Variants in SYNCRIP observed in about 807,000 individuals in gnomAD.
SYNCRIP encodes the protein synaptotagmin binding cytoplasmic RNA interacting protein.
In SYNCRIP, 9 loss-of-function variants were observed where a neutral mutation model predicts 68.9. The observed-to-expected ratio is 0.13, with a 90% confidence interval of 0.08 to 0.23. The LOEUF (loss-of-function observed/expected upper bound fraction) is 0.23. Among genes scored for constraint, SYNCRIP ranks in the 10% least tolerant of loss-of-function variants. The pLI is 1.00. For synonymous variants in SYNCRIP, 258 were observed against 254.0 expected (o/e 1.02, Z -0.15); for missense variants, 414 against 770.6 (o/e 0.54, Z 5.48).
intron 4 of SYNCRIP, among the ~76,000 whole-genome samples, chr6:85,639,981 T>C (rs1387553353): frequency 6.6e-6 from 1 of 152,214 alleles, no homozygotes; most frequent in Admixed American, 6.5e-5. Context: ...GGTGTGTTTC[T>C]TTATACTAGG....
chr6:85,629,981 C>CA (rs71551492), intron 6 of SYNCRIP, among the ~76,000 whole-genome samples: 14,645 of 120,164 alleles, frequency 0.12, 1,116 homozygotes, highest in East Asian at 0.25. Flanking sequence ...GGATTTGTCT[C>CA]AAAAAAAAAA....
At chr6:85,622,721 T>A in intron 7 of SYNCRIP, 34 bp from the exon 8 acceptor site, 1 of 1,538,804 alleles carries the variant, frequency 6.5e-7, no homozygotes, top group Non-Finnish European at 9.0e-7. Flanking sequence ...GAAAATTAGA[T>A]GAAATAACTA....
downstream of SYNCRIP, chr6:85,612,835 T>TTG (rs1354182799): frequency 6.5e-7 from 1 of 1,544,616 alleles, no homozygotes; most frequent in Admixed American, 2.0e-5. Flanking sequence ...TCCTTACCAT[T>TTG]ACTCCACTGC....
chr6:85,625,208 C>T (rs1240683799), intron 6 of SYNCRIP, among the ~76,000 whole-genome samples: 1 of 151,982 alleles, frequency 6.6e-6, no homozygotes, highest in African/African-American at 2.4e-5. Context: ...GCTTTCTACC[C>T]CACTATTCTG....
intron 2 of SYNCRIP, among the ~76,000 whole-genome samples, chr6:85,641,066 T>C (rs1015034979): frequency 2.6e-5 from 4 of 152,168 alleles, no homozygotes; most frequent in Non-Finnish European, 5.9e-5. Context: ...CATATACTTA[T>C]CCATCAGGCC....
At chr6:85,613,072 ACTT>A, downstream of SYNCRIP, 1 of 916,182 alleles carries the variant, frequency 1.1e-6, no homozygotes, top group Non-Finnish European at 1.5e-6. Context: ...ATAACTATGA[ACTT>A]CTTTTTGCTT....
rs533567565 is a variant in SYNCRIP at position 85,625,813 on chromosome 6, T to C, written c.667-1701A>G. On this transcript the variant is annotated intron_variant, in intron 6 of 10. Coordinates refer to ENST00000369622, the MANE Select transcript of SYNCRIP (RefSeq NM_006372.5). ...ACCCAATACTACAATACATAAATCCTAAAAGGGTCAACAAAATACTCCTCC... is the reference window on the plus strand; with the variant it reads ...ACCCAATACTACAATACATAAATCCCAAAAGGGTCAACAAAATACTCCTCC... Among the ~76,000 whole-genome samples the C allele has an allele frequency of 2.6e-5, 4 of 152,284 alleles. No individual in the cohort carries two copies. In the South Asian group the frequency reaches 8.3e-4, roughly 32 times the overall value.
At chr6:85,623,532 C>G (rs6906121) in intron 7 of SYNCRIP, among the ~76,000 whole-genome samples, 10,278 of 116,536 alleles carry the variant, frequency 0.088, 637 homozygotes, top group East Asian at 0.26. Flanking sequence ...CCAGCACACT[C>G]CAGCCTGGGC....
chr6:85,632,517 TC>T (rs1369033246), intron 6 of SYNCRIP, among the ~76,000 whole-genome samples: 3 of 152,114 alleles, frequency 2.0e-5, no homozygotes, highest in Non-Finnish European at 4.4e-5. Flanking sequence ...GCAAAAAACA[TC>T]CAAAAAAACT....
chr6:85,618,829 T>C lies in SYNCRIP; in HGVS notation c.1269A>G (p.Ala423=). The C allele has an allele frequency of 6.2e-7, 1 of 1,605,396 alleles. No homozygotes were observed. The highest frequency in any genetic ancestry group is 8.5e-7 in the Non-Finnish European group (1 of 1,176,022). Residue 423 remains alanine (A), a synonymous_variant, in exon 10 of 11, where the codon GCA becomes GCG. Transcript: ENST00000369622. ...CAAATTTCACTCACATTTGATTTTT[T>C]GCTGCTTGCCTCTGAGCTTTTCTTT... ...RKERKAQRQA[A]KNQMYDDYYY...
At chr6:85,638,727 G>C (rs919481064) in intron 4 of SYNCRIP, among the ~76,000 whole-genome samples, 2 of 152,120 alleles carry the variant, frequency 1.3e-5, no homozygotes, top group Admixed American at 6.6e-5. Flanking sequence ...AACTAAATGA[G>C]TAATAGCTCA....
At chr6:85,642,163 C>G (rs940110164) in intron 1 of SYNCRIP, among the ~76,000 whole-genome samples, 2 of 152,180 alleles carry the variant, frequency 1.3e-5, no homozygotes, top group African/African-American at 4.8e-5. Flanking sequence ...CACAATCTCT[C>G]CCCTGAACAC....
downstream of SYNCRIP, chr6:85,611,459 T>C (rs1215622368): frequency 2.0e-5 from 3 of 152,542 alleles, no homozygotes; most frequent in Non-Finnish European, 4.4e-5. Flanking sequence ...TAATTAAGTA[T>C]AAGCTCTGAT....
At chr6:85,630,606 G>C (rs1807629070) in intron 6 of SYNCRIP, among the ~76,000 whole-genome samples, 1 of 152,086 alleles carries the variant, frequency 6.6e-6, no homozygotes, top group African/African-American at 2.4e-5. Flanking sequence ...CAACCCCTAG[G>C]TAGGTAAGGG....
chr6:85,626,149 G>A (rs1366164488), intron 6 of SYNCRIP, among the ~76,000 whole-genome samples: 4 of 152,234 alleles, frequency 2.6e-5, no homozygotes, highest in African/African-American at 9.6e-5. Flanking sequence ...TTACCTGAAT[G>A]TAGCAGAGCT....
chr6:85,635,864 A>G (rs1407053798), intron 6 of SYNCRIP, among the ~76,000 whole-genome samples: 1 of 151,820 alleles, frequency 6.6e-6, no homozygotes, highest in Non-Finnish European at 1.5e-5. Context: ...ACCTCATGGT[A>G]AAGGAAGGGG....
chr6:85,631,489 T>C (rs2128294807), intron 6 of SYNCRIP, among the ~76,000 whole-genome samples: 1 of 152,318 alleles, frequency 6.6e-6, no homozygotes, highest in East Asian at 1.9e-4. Context: ...TGCTGTGATC[T>C]AATTGATGTT....
chr6:85,627,531 C>CAA (rs367722306), intron 6 of SYNCRIP, among the ~76,000 whole-genome samples: 1 of 151,322 alleles, frequency 6.6e-6, no homozygotes, highest in African/African-American at 2.4e-5. Context: ...AAAACAAAAA[C>CAA]AAAAAAACAC....
upstream of SYNCRIP, chr6:85,643,252 C>G (rs1809425897): frequency 6.6e-6 from 1 of 152,532 alleles, no homozygotes; most frequent in Non-Finnish European, 1.5e-5. Context: ...CACTCCCTCC[C>G]TCGCTCGCTC....
Sources: gnomAD v4.1 joint callset for allele counts (sites outside exome capture counted in the v4.1 genomes callset) on GRCh38, gnomAD v4.1.1 for gene constraint, MANE v1.5 for transcripts, NCBI Gene and HGNC (gene_info 2026-07-23, HGNC 2026-07-21) for gene names.